Variants in TFDP1 observed in about 807,000 individuals in gnomAD.
TFDP1 encodes transcription factor Dp-1.
In TFDP1, 6 loss-of-function variants were observed where a neutral mutation model predicts 48.0. That is an observed-to-expected ratio of 0.13 (90% CI 0.07 to 0.25). The LOEUF (loss-of-function observed/expected upper bound fraction) is 0.25, where lower values mean the gene tolerates loss of function less well. Among genes scored for constraint, TFDP1 ranks in the 10% least tolerant of loss-of-function variants. The probability of loss-of-function intolerance (pLI) is 1.00; values close to 1 mark genes in which losing one functional copy is unlikely to be tolerated. For synonymous variants in TFDP1, 201 were observed against 211.6 expected, an observed-to-expected ratio of 0.95 and a Z score of 0.44; for missense variants, 335 against 543.0, an observed-to-expected ratio of 0.62 and a Z score of 3.81.
chr13:113,609,923 C>T lies in TFDP1; in HGVS notation c.13-1073C>T, dbSNP rs879457308. Among the ~76,000 whole-genome samples, 50 of 152,338 alleles carry T rather than the reference C, an allele frequency of 3.3e-4. 2 individuals carry two copies. The Middle Eastern group carries it at 0.01, about 31-fold the overall frequency. ...CTGCCAGCACGCCACTCCCAGAGGC[C>T]GCCCCTCCAAGGCCTCCTCTTGGGA... On this transcript the variant is annotated intron_variant, in intron 2 of 11. Coordinates refer to ENST00000375370, the MANE Select transcript of TFDP1 (RefSeq NM_007111.5).
At chr13:113,613,935 C>A (rs560155346) in intron 3 of TFDP1, among the ~76,000 whole-genome samples, 2 of 144,996 alleles carry the variant, frequency 1.4e-5, no homozygotes, top group African/African-American at 5.2e-5. Flanking sequence ...GAGTTGTGTG[C>A]GTGTGTGTGC....
intron 3 of TFDP1, among the ~76,000 whole-genome samples, chr13:113,613,920 C>T (rs928555092): frequency 8.8e-5 from 13 of 147,428 alleles, no homozygotes; most frequent in African/African-American, 2.8e-4. Flanking sequence ...TGTGTGCATG[C>T]GTGTGAGTTG....
intron 3 of TFDP1, among the ~76,000 whole-genome samples, chr13:113,615,313 C>T (rs866171229): frequency 2.6e-5 from 4 of 152,324 alleles, no homozygotes; most frequent in Middle Eastern, 6.8e-3. Context: ...CTTTCTGTGT[C>T]ACAGGTGGGC....
rs187598765 is a variant in TFDP1 at position 113,620,376 on chromosome 13, G to A, written c.80-2804G>A. ...CTGTTCAGGACGGAAAGAGCCGCCT[G>A]GGCTGCTGATGGAGAGTGACAGTGC... is the stretch of plus-strand genomic sequence containing the variant. On this transcript the variant is annotated intron_variant, in intron 3 of 11. Coordinates refer to ENST00000375370, the MANE Select transcript of TFDP1 (RefSeq NM_007111.5). Among the ~76,000 whole-genome samples the A allele has an allele frequency of 7.9e-5, 12 of 152,386 alleles. 1 individual carries two copies. In the East Asian group the frequency reaches 2.3e-3, roughly 29 times the overall value.
intron 3 of TFDP1, among the ~76,000 whole-genome samples, chr13:113,620,598 A>G (rs2048974001): frequency 6.6e-6 from 1 of 152,220 alleles, no homozygotes; most frequent in South Asian, 2.1e-4. Context: ...GCATAGTAGA[A>G]TATTATTTTT....
intron 3 of TFDP1, among the ~76,000 whole-genome samples, chr13:113,613,535 G>C (rs1191468382): frequency 6.7e-6 from 1 of 148,786 alleles, no homozygotes; most frequent in Admixed American, 6.6e-5. Flanking sequence ...GCATGAGTGT[G>C]TGTGAGGAAT....
chr13:113,591,014 A>AG (rs1327458513), intron 2 of TFDP1, among the ~76,000 whole-genome samples: 10 of 146,862 alleles, frequency 6.8e-5, no homozygotes, highest in African/African-American at 2.3e-4. Flanking sequence ...TGTCTCAAAA[A>AG]AAAAAAAAAA....
At chr13:113,637,425 G>T (rs2049520332) in intron 10 of TFDP1, among the ~76,000 whole-genome samples, 1 of 152,238 alleles carries the variant, frequency 6.6e-6, no homozygotes, top group Non-Finnish European at 1.5e-5. Flanking sequence ...GCCCACGTGG[G>T]CTGGGCCCTG....
Position 113,631,512 on chromosome 13 carries a change from C to T in TFDP1, c.187-111C>T, listed in dbSNP as rs931544146. ...TTTCCTGCTCCGTCATGGCTGCTCA[C>T]TGTGGTTAAGGAAATTCAGCAGTGG... is the stretch of plus-strand genomic sequence containing the variant. On this transcript the variant is annotated intron_variant, in intron 4 of 11. Coordinates refer to ENST00000375370, the MANE Select transcript of TFDP1 (RefSeq NM_007111.5). 4 of 1,397,562 alleles carry T rather than the reference C, an allele frequency of 2.9e-6. No individual in the cohort carries two copies. The African/African-American group carries it at 5.8e-5, about 20-fold the overall frequency. 86.6% of individuals were successfully genotyped at this position (1,397,562 alleles called of 1,614,324 possible).
intron 4 of TFDP1, among the ~76,000 whole-genome samples, chr13:113,626,514 C>A (rs1453231444): frequency 1.3e-5 from 2 of 151,924 alleles, no homozygotes; most frequent in African/African-American, 4.8e-5. Context: ...TTCCCTGCGC[C>A]CCGCTTCCCC....
chr13:113,630,908 T>C (rs1201128360), intron 4 of TFDP1, among the ~76,000 whole-genome samples: 3 of 152,112 alleles, frequency 2.0e-5, no homozygotes, highest in African/African-American at 7.2e-5. Context: ...CCTCTGGTGG[T>C]TCCCCCCAGA....
chr13:113,596,320 G>A (rs189183687), intron 2 of TFDP1, among the ~76,000 whole-genome samples: 25 of 152,308 alleles, frequency 1.6e-4, no homozygotes, highest in African/African-American at 5.3e-4. Flanking sequence ...GTCTTACCCA[G>A]TTATTGACTC....
At chr13:113,617,120 G>T (rs890714133) in intron 3 of TFDP1, among the ~76,000 whole-genome samples, 1 of 152,168 alleles carries the variant, frequency 6.6e-6, no homozygotes, top group African/African-American at 2.4e-5. Flanking sequence ...TCAGGAGCGG[G>T]TCCTGCTGGA....
At chr13:113,610,888 C>T in intron 2 of TFDP1, 108 bp from the exon 3 acceptor site, 1 of 1,025,324 alleles carries the variant, frequency 9.8e-7, no homozygotes, top group Non-Finnish European at 1.5e-6. Context: ...GGTCCTTCTG[C>T]CTTTTTATGA....
intron 2 of TFDP1, among the ~76,000 whole-genome samples, chr13:113,602,608 T>C (rs2048465878): frequency 6.6e-6 from 1 of 152,240 alleles, no homozygotes; most frequent in African/African-American, 2.4e-5. Flanking sequence ...GTCACTTTCT[T>C]CTCAGCTCTG....
chr13:113,634,383 A>G, intron 7 of TFDP1, 151 bp from the exon 8 acceptor site: 2 of 693,542 alleles, frequency 2.9e-6, no homozygotes, highest in Non-Finnish European at 2.5e-6. Context: ...TATATCTTGT[A>G]GCACCTGCTA....
Position 113,593,413 on chromosome 13 carries a change from C to T in TFDP1, c.12+7564C>T, listed in dbSNP as rs539194990. Among the ~76,000 whole-genome samples, 5 of 145,394 alleles carry T rather than the reference C, an allele frequency of 3.4e-5. No individual in the cohort carries two copies. The East Asian group carries it at 1.1e-3, about 31-fold the overall frequency. ...GTGTGTGCGGGTCCTCAGCCCTGCC[C>T]AGGTGACAGGTGTGCTGTGTGCTGA... On this transcript the variant is annotated intron_variant, in intron 2 of 11. Transcript: ENST00000375370.
intron 2 of TFDP1, among the ~76,000 whole-genome samples, chr13:113,599,933 A>G (rs754051920): frequency 1.3e-5 from 2 of 151,728 alleles, no homozygotes; most frequent in Admixed American, 6.6e-5. Context: ...ACCGTGAGAG[A>G]GAACCCAGGA....
intron 10 of TFDP1, 75 bp downstream of exon 10, chr13:113,636,775 C>G: frequency 6.6e-7 from 1 of 1,519,936 alleles, no homozygotes; most frequent in South Asian, 1.2e-5. Context: ...CCTCCCCTCC[C>G]GGCTCGGGAT....
Sources: allele counts gnomAD v4.1 joint callset (sites outside exome capture counted in the v4.1 genomes callset), GRCh38; gene constraint gnomAD v4.1.1; transcripts MANE v1.5; gene names NCBI Gene and HGNC (gene_info 2026-07-23, HGNC 2026-07-21).